Variants in ARHGAP44 observed in about 807,000 individuals in gnomAD.
ARHGAP44 encodes rho GTPase-activating protein 44.
A neutral mutation model predicts 106.8 loss-of-function variants in ARHGAP44; 43 were observed. The observed-to-expected ratio is 0.40, with a 90% CI of 0.32 to 0.52. ARHGAP44 has a LOEUF of 0.52. ARHGAP44 is among the 20% of genes least tolerant of loss of function. The probability of loss-of-function intolerance (pLI) is 0.48; values close to 1 mark genes in which losing one functional copy is unlikely to be tolerated. For synonymous variants in ARHGAP44, 439 were observed against 410.3 expected, an observed-to-expected ratio of 1.07 and a Z score of -0.85; for missense variants, 866 against 1,050.5, an observed-to-expected ratio of 0.82 and a Z score of 2.43.
intron 6 of ARHGAP44, among the ~76,000 whole-genome samples, chr17:12,924,578 C>A (rs1362188530): frequency 6.6e-6 from 1 of 152,114 alleles, no homozygotes; most frequent in South Asian, 2.1e-4. Flanking sequence ...TGGTATCTCT[C>A]CAAAATTTGT....
At chr17:12,959,562 G>A (rs2039207727) in intron 16 of ARHGAP44, among the ~76,000 whole-genome samples, 1 of 152,098 alleles carries the variant, frequency 6.6e-6, no homozygotes. Flanking sequence ...CAAGTAAGAT[G>A]GGCATAAACA....
chr17:12,946,092 TGA>T (rs1266656514), intron 10 of ARHGAP44, among the ~76,000 whole-genome samples: 4 of 152,174 alleles, frequency 2.6e-5, no homozygotes, highest in Admixed American at 6.5e-5. Context: ...CTACCATCCC[TGA>T]GAGAGAGTTT....
At chr17:12,825,132 G>GCT (rs1441608819) in intron 1 of ARHGAP44, among the ~76,000 whole-genome samples, 23 of 151,894 alleles carry the variant, frequency 1.5e-4, no homozygotes, top group Admixed American at 1.5e-3. Flanking sequence ...ACCTCCCTAG[G>GCT]CTAAAGTGAT....
chr17:12,819,272 T>A (rs2034690720), intron 1 of ARHGAP44, among the ~76,000 whole-genome samples: 1 of 149,626 alleles, frequency 6.7e-6, no homozygotes, highest in Non-Finnish European at 1.5e-5. Context: ...TATATCAGTA[T>A]TTTTTTTTGG....
At chr17:12,952,729 T>A in intron 13 of ARHGAP44, 148 bp downstream of exon 13, 1 of 146,234 alleles carries the variant, frequency 6.8e-6, no homozygotes. Flanking sequence ...TCTCTTTTTT[T>A]TTTTTTTTTT....
At chr17:12,796,564 C>T (rs1210323287) in intron 1 of ARHGAP44, among the ~76,000 whole-genome samples, 2 of 151,572 alleles carry the variant, frequency 1.3e-5, no homozygotes, top group African/African-American at 4.9e-5. Flanking sequence ...TACCTGACCC[C>T]ACCTCTTTTA....
Position 12,949,860 on chromosome 17 carries a change from A to C in ARHGAP44, c.1055+130A>C, listed in dbSNP as rs555671539. The C allele has an allele frequency of 1.7e-3, 1,497 of 878,204 alleles. 4 individuals are homozygous for C. Among genetic ancestry groups the C allele is most frequent in the South Asian group, 3.5e-3 (211 of 60,326 alleles). The allele number at this position is 878,204 out of a possible 1,614,324, so 54.4% of individuals were successfully genotyped here. A position where few individuals can be genotyped will look rare whatever the true frequency, so the allele number is the denominator to read the frequency against. On this transcript the variant is annotated intron_variant, in intron 12 of 20. Coordinates refer to ENST00000379672, the MANE Select transcript of ARHGAP44 (RefSeq NM_014859.6). The surrounding 1 kb of genome is among the most constrained non-coding windows in gnomAD (Gnocchi z 4.1). Reference sequence around the variant, plus strand: ...TGATCTCTGCCATGAAGGAGTGCTTATACATTTGCCCAAGGAGGCAGGTCC... The same window carrying C: ...TGATCTCTGCCATGAAGGAGTGCTTCTACATTTGCCCAAGGAGGCAGGTCC...
intron 16 of ARHGAP44, among the ~76,000 whole-genome samples, chr17:12,960,133 T>G (rs905339454): frequency 2.6e-5 from 4 of 152,192 alleles, no homozygotes; most frequent in Non-Finnish European, 5.9e-5. Context: ...AGAGACAATT[T>G]GTATGTGGCA....
chr17:12,830,201 A>T (rs3785730), intron 1 of ARHGAP44, among the ~76,000 whole-genome samples: 1 of 152,024 alleles, frequency 6.6e-6, no homozygotes, highest in Non-Finnish European at 1.5e-5. Flanking sequence ...TCTTTTTCCT[A>T]TGATTGCTAA....
rs1245899393 is a variant in ARHGAP44, at chr17:12,949,091, ATGT to A, written c.862-45_862-43del. The A allele has an allele frequency of 2.7e-5, 41 of 1,515,688 alleles. No homozygotes were observed. The highest frequency in any genetic ancestry group is 3.7e-5 in the Non-Finnish European group (41 of 1,117,254). The allele number at this position is 1,515,688 out of a possible 1,614,324, so 93.9% of individuals were successfully genotyped here. Reference sequence around the variant, plus strand: ...GCAGTTGCGGGGTCTCTGCGCTTTGATGTTGTACCTTGGAGTTGCTGTGCGCTG... The same window carrying A: ...GCAGTTGCGGGGTCTCTGCGCTTTGATGTACCTTGGAGTTGCTGTGCGCTG... On this transcript the variant is annotated intron_variant, in intron 10 of 20. Transcript: ENST00000379672. The surrounding 1 kb of genome is among the most constrained non-coding windows in gnomAD (Gnocchi z 4.1).
intron 3 of ARHGAP44, among the ~76,000 whole-genome samples, chr17:12,907,759 A>T (rs140028615): frequency 3.1e-4 from 47 of 152,274 alleles, no homozygotes; most frequent in African/African-American, 1.1e-3. Context: ...GGCCTTTGTG[A>T]ATAGTGTTGC....
At position 12,974,271 on chromosome 17, in the gene ARHGAP44, C is replaced by G; in HGVS notation, c.1724C>G (p.Pro575Arg). 6.7e-7 allele frequency: 1 copy of G among 1,499,298 alleles called. No homozygotes were observed. 92.9% of individuals were successfully genotyped at this position (1,499,298 alleles called of 1,614,324 possible). ...LDSPAAPALSPSGLGLQPGPE... is the reference protein window; with the variant it reads ...LDSPAAPALSRSGLGLQPGPE... The stretch of plus-strand genomic sequence containing the variant: ...AGCCCCGCGGCCCCCGCGCTCTCTC[C>G]ATCCGGCCTGGGCCTCCAGCCTGGG... Residue 575 changes from proline (P) to arginine (R), a missense_variant, in exon 18 of 21, where the codon CCA becomes CGA. Physicochemically the swap from Pro to Arg is moderately radical, Grantham distance 103 (BLOSUM62 -2). Coordinates refer to ENST00000379672, the MANE Select transcript of ARHGAP44 (RefSeq NM_014859.6).
chr17:12,978,521 G>A (rs916177932), intron 18 of ARHGAP44, among the ~76,000 whole-genome samples: 10 of 150,488 alleles, frequency 6.6e-5, no homozygotes, highest in Non-Finnish European at 1.5e-4. Flanking sequence ...CCTGTGCTTT[G>A]ACGCTATGGG....
At chr17:12,835,757 G>T (rs1044418245) in intron 1 of ARHGAP44, among the ~76,000 whole-genome samples, 1 of 151,758 alleles carries the variant, frequency 6.6e-6, no homozygotes, top group Non-Finnish European at 1.5e-5. Context: ...TTTTCATCTT[G>T]CAACACTGGA....
intron 13 of ARHGAP44, 40 bp downstream of exon 13, chr17:12,952,621 C>T (rs2039019197): frequency 6.9e-7 from 1 of 1,452,562 alleles, no homozygotes; most frequent in Non-Finnish European, 9.4e-7. Context: ...ATGGCTTGGG[C>T]TTATGTAAGC....
intron 2 of ARHGAP44, among the ~76,000 whole-genome samples, chr17:12,896,158 A>C (rs1040660097): frequency 3.3e-5 from 5 of 151,916 alleles, no homozygotes; most frequent in African/African-American, 7.3e-5. Flanking sequence ...TATCTAATGT[A>C]AATGACGAGT....
chr17:12,827,128 C>T (rs1033848242), intron 1 of ARHGAP44, among the ~76,000 whole-genome samples: 6 of 152,214 alleles, frequency 3.9e-5, no homozygotes, highest in Non-Finnish European at 7.4e-5. Context: ...GTCTCTGTAA[C>T]CCTGTTCTCT....
intron 1 of ARHGAP44, among the ~76,000 whole-genome samples, chr17:12,892,623 A>G (rs2037081436): frequency 6.6e-6 from 1 of 151,834 alleles, no homozygotes; most frequent in Non-Finnish European, 1.5e-5. Flanking sequence ...GACATAAAAT[A>G]TTTGATCTTT....
intron 1 of ARHGAP44, among the ~76,000 whole-genome samples, chr17:12,855,880 G>A (rs1048803883): frequency 1.3e-5 from 2 of 152,202 alleles, no homozygotes; most frequent in African/African-American, 4.8e-5. Flanking sequence ...GCTTTGAAAT[G>A]CGTTGGGCAG....
Sources: allele counts gnomAD v4.1 joint callset (sites outside exome capture counted in the v4.1 genomes callset), GRCh38; gene constraint gnomAD v4.1.1; non-coding constraint Gnocchi (gnomAD v3.1); transcripts MANE v1.5; gene names NCBI Gene and HGNC (gene_info 2026-07-23, HGNC 2026-07-21).